NR3C2: variants seen among roughly 807,000 people sequenced by gnomAD.
The protein encoded by NR3C2 is mineralocorticoid receptor.
NR3C2 carries 15 observed loss-of-function variants against 86.4 expected under a neutral mutation model. That is an observed-to-expected ratio of 0.17 (90% CI 0.12 to 0.27). The LOEUF is 0.27. NR3C2 is among the 10% of genes least tolerant of loss of function. NR3C2 has a pLI of 1.00. For missense variants in NR3C2, 960 were observed against 1,195.6 expected (o/e 0.80, Z 2.91); for synonymous variants, 458 against 450.5 (o/e 1.02, Z -0.21).
chr4:148,321,983 T>A (rs561275657), intron 2 of NR3C2, among the ~76,000 whole-genome samples: 1 of 152,238 alleles, frequency 6.6e-6, no homozygotes, highest in Non-Finnish European at 1.5e-5. Flanking sequence ...TTGATGGTCT[T>A]TACATTTTGG....
chr4:148,317,786 A>C (rs1312209821), intron 2 of NR3C2, among the ~76,000 whole-genome samples: 1 of 147,308 alleles, frequency 6.8e-6, no homozygotes, highest in African/African-American at 2.6e-5. Flanking sequence ...TTTAAAAAGA[A>C]TGAAATTAAG....
chr4:148,167,459 A>G (rs900688832), intron 4 of NR3C2, among the ~76,000 whole-genome samples: 7 of 152,150 alleles, frequency 4.6e-5, no homozygotes, highest in African/African-American at 1.7e-4. Context: ...TTTCGGACCC[A>G]CAGTTAAGAT....
intron 2 of NR3C2, among the ~76,000 whole-genome samples, chr4:148,282,272 C>T (rs187002848): frequency 6.1e-4 from 93 of 152,272 alleles, no homozygotes; most frequent in South Asian, 4.4e-3. Flanking sequence ...TCAAGTGATC[C>T]GCCTGCCTTG....
intron 2 of NR3C2, among the ~76,000 whole-genome samples, chr4:148,353,679 CA>C (rs1444467683): frequency 1.3e-5 from 2 of 152,060 alleles, no homozygotes; most frequent in Non-Finnish European, 2.9e-5. Context: ...AAGACAAATG[CA>C]TATTGTTTTT....
intron 2 of NR3C2, among the ~76,000 whole-genome samples, chr4:148,372,296 T>C (rs61762854): frequency 6.6e-6 from 1 of 152,154 alleles, no homozygotes; most frequent in Non-Finnish European, 1.5e-5. Flanking sequence ...ATGACAGGAA[T>C]AGAATTCTAG....
At chr4:148,336,633 T>C (rs1350096884) in intron 2 of NR3C2, among the ~76,000 whole-genome samples, 5 of 152,026 alleles carry the variant, frequency 3.3e-5, no homozygotes, top group African/African-American at 7.3e-5. Flanking sequence ...AGCTGAGAAA[T>C]TGAACATCCC....
rs929401170 is a variant in NR3C2 at position 148,080,699 on chromosome 4, CAA to C, written c.*643_*644del. 4 of 275,926 alleles carry C rather than the reference CAA, an allele frequency of 1.4e-5. No individual in the cohort carries two copies. Among genetic ancestry groups the C allele is most frequent in the African/African-American group, 4.4e-5 (2 of 45,666 alleles). 17.1% of individuals were successfully genotyped at this position (275,926 alleles called of 1,614,324 possible). ...AGCCAACACAATAGATACTAGAAAT[CAA>C]ACCAAGGCATTTAACATCATCTTAT... On this transcript the variant is annotated 3_prime_UTR_variant, in exon 9 of 9. Coordinates refer to ENST00000358102, the MANE Select transcript of NR3C2 (RefSeq NM_000901.5).
At chr4:148,226,131 A>C (rs1489377108) in intron 3 of NR3C2, among the ~76,000 whole-genome samples, 1 of 152,148 alleles carries the variant, frequency 6.6e-6, no homozygotes. Flanking sequence ...ACACCTCAAA[A>C]TTTCAGTAAG....
At chr4:148,088,864 A>G (rs1192284689) in intron 8 of NR3C2, among the ~76,000 whole-genome samples, 1 of 152,224 alleles carries the variant, frequency 6.6e-6, no homozygotes. Context: ...GCACAGCAAG[A>G]GCACTGCTAT....
intron 3 of NR3C2, among the ~76,000 whole-genome samples, chr4:148,252,788 T>G (rs1344055219): frequency 6.6e-6 from 1 of 152,194 alleles, no homozygotes; most frequent in African/African-American, 2.4e-5. Flanking sequence ...AGTTTTTCCC[T>G]CTCTTGCTCT....
intron 2 of NR3C2, among the ~76,000 whole-genome samples, chr4:148,427,889 GACAGTA>G (rs1372341135): frequency 6.6e-6 from 1 of 152,094 alleles, no homozygotes; most frequent in Non-Finnish European, 1.5e-5. Flanking sequence ...CAAAAATTAG[GACAGTA>G]ACAGTATGTA....
chr4:148,088,117 T>C (rs974493186), intron 8 of NR3C2, among the ~76,000 whole-genome samples: 1 of 152,156 alleles, frequency 6.6e-6, no homozygotes, highest in Non-Finnish European at 1.5e-5. Flanking sequence ...AAAAAGCTCA[T>C]CATCACTGGT....
chr4:148,097,465 C>A (rs888233056), intron 8 of NR3C2, among the ~76,000 whole-genome samples: 1 of 152,168 alleles, frequency 6.6e-6, no homozygotes, highest in African/African-American at 2.4e-5. Flanking sequence ...AAGAATTGCA[C>A]GCCAGGTTCT....
At chr4:148,244,598 C>A (rs774219133) in intron 3 of NR3C2, among the ~76,000 whole-genome samples, 8 of 152,276 alleles carry the variant, frequency 5.3e-5, no homozygotes, top group Non-Finnish European at 1.2e-4. Context: ...GCAATTTCAT[C>A]CCAGGAACAC....
intron 2 of NR3C2, among the ~76,000 whole-genome samples, chr4:148,269,802 G>T (rs1740583424): frequency 6.6e-6 from 1 of 152,178 alleles, no homozygotes; most frequent in Non-Finnish European, 1.5e-5. Context: ...CTCATCTGTA[G>T]ATCAGTACTT....
chr4:148,268,334 T>C (rs1740503596), intron 2 of NR3C2, among the ~76,000 whole-genome samples: 1 of 152,204 alleles, frequency 6.6e-6, no homozygotes, highest in Non-Finnish European at 1.5e-5. Context: ...TTTTCTTTTA[T>C]GATATTATCT....
chr4:148,104,342 G>GTTTTTTTTTTTTTTTTTTTTTTTT (rs57175085), intron 8 of NR3C2, among the ~76,000 whole-genome samples: 2 of 63,794 alleles, frequency 3.1e-5, no homozygotes, highest in Non-Finnish European at 6.5e-5. Context: ...TTTTGGTTTG[G>GTTTTTTTTTTTTTTTTTTTTTTTT]TTTTTTTTTT....
chr4:148,130,686 GTTC>G lies in NR3C2; in HGVS notation c.2511-10401_2511-10399del, dbSNP rs1273849121. 1.2e-4 allele frequency among the ~76,000 whole-genome samples: 18 copies of G among 151,650 alleles called. No individual in the cohort carries two copies. In the East Asian group the frequency reaches 3.5e-3, roughly 29 times the overall value. The stretch of plus-strand genomic sequence containing the variant: ...CAACAGATTTCATAGACTTTCAGCT[GTTC>G]TTTTCTTTGTAGATATAAACAAAAC... On this transcript the variant is annotated intron_variant, in intron 6 of 8. Transcript: ENST00000358102.
chr4:148,445,282 GTTTTC>G (rs1182816746), upstream of NR3C2, among the ~76,000 whole-genome samples: 2 of 151,658 alleles, frequency 1.3e-5, no homozygotes, highest in African/African-American at 4.8e-5. Context: ...GGAGGGAAAA[GTTTTC>G]TTTTCCTGCT....
Sources: gnomAD v4.1 joint callset for allele counts (sites outside exome capture counted in the v4.1 genomes callset) on GRCh38, gnomAD v4.1.1 for gene constraint, MANE v1.5 for transcripts, NCBI Gene and HGNC (gene_info 2026-07-23, HGNC 2026-07-21) for gene names.